The following ADAMTSL3 variants were observed in gnomAD, a reference collection of about 807,000 sequenced individuals.
ADAMTSL3 encodes the protein ADAMTS like 3, also known as ADAMTS-like protein 3.
A neutral mutation model predicts 201.7 loss-of-function variants in ADAMTSL3; 128 were observed. That is an observed-to-expected ratio of 0.63 (90% CI 0.55 to 0.73). The LOEUF (loss-of-function observed/expected upper bound fraction) is 0.73. Among genes scored for constraint, ADAMTSL3 ranks in the 30% least tolerant of loss-of-function variants. ADAMTSL3 has a pLI of 0.00. For missense variants in ADAMTSL3, 1,990 were observed against 2,119.6 expected, an observed-to-expected ratio of 0.94 and a Z score of 1.20; for synonymous variants, 738 against 748.4, an observed-to-expected ratio of 0.99 and a Z score of 0.23.
intron 23 of ADAMTSL3, among the ~76,000 whole-genome samples, chr15:84,009,284 G>A (rs931021406): frequency 6.6e-6 from 1 of 152,134 alleles, no homozygotes. Flanking sequence ...CATCCCTGCA[G>A]CCACATGCTC....
intron 3 of ADAMTSL3, among the ~76,000 whole-genome samples, chr15:83,714,761 C>CCCTT (rs2061979364): frequency 4.8e-5 from 2 of 41,454 alleles, no homozygotes; most frequent in African/African-American, 1.5e-4. Flanking sequence ...CTTCCCTTTT[C>CCCTT]TCTTTCTTTC....
chr15:83,672,047 G>A (rs942147531), intron 2 of ADAMTSL3, among the ~76,000 whole-genome samples: 5 of 152,060 alleles, frequency 3.3e-5, no homozygotes, highest in Non-Finnish European at 5.9e-5. Context: ...AGTGTCTTGC[G>A]ACCTATACTC....
chr15:83,835,201 T>C (rs1263643876), intron 6 of ADAMTSL3, among the ~76,000 whole-genome samples: 1 of 136,104 alleles, frequency 7.3e-6, no homozygotes, highest in South Asian at 2.4e-4. Context: ...ACCACTGCAC[T>C]CCAGCTTGGG....
At chr15:83,661,207 A>G (rs1056095079) in intron 2 of ADAMTSL3, among the ~76,000 whole-genome samples, 6 of 152,186 alleles carry the variant, frequency 3.9e-5, no homozygotes, top group African/African-American at 1.4e-4. Context: ...GTTTGAAGTC[A>G]CATAGCGTGA....
intron 16 of ADAMTSL3, 104 bp from the exon 17 acceptor site, chr15:83,923,800 A>C: frequency 7.3e-7 from 1 of 1,378,166 alleles, no homozygotes; most frequent in Non-Finnish European, 9.9e-7. Context: ...ATGATAGTCA[A>C]AAGGGCAGTA....
At chr15:83,864,970 C>G (rs986446630) in intron 8 of ADAMTSL3, among the ~76,000 whole-genome samples, 5 of 152,116 alleles carry the variant, frequency 3.3e-5, no homozygotes, top group Non-Finnish European at 7.4e-5. Flanking sequence ...ACACCAATAA[C>G]AGACAAACGG....
chr15:84,002,236 A>G (rs1394742624), intron 23 of ADAMTSL3, among the ~76,000 whole-genome samples: 3 of 152,220 alleles, frequency 2.0e-5, no homozygotes, highest in African/African-American at 7.2e-5. Flanking sequence ...TCAAACACCT[A>G]TCAAATTTCA....
At chr15:83,756,607 C>CG (rs1455039139) in intron 3 of ADAMTSL3, among the ~76,000 whole-genome samples, 3 of 151,664 alleles carry the variant, frequency 2.0e-5, no homozygotes, top group Non-Finnish European at 2.9e-5. Context: ...CTGCCCCCCC[C>CG]CCAAATCTCA....
In ADAMTSL3 at chr15:84,026,615, T is replaced by C. The variant is rs544315408; in HGVS notation, c.4656+1179T>C. On this transcript the variant is annotated intron_variant, in intron 27 of 29. Coordinates refer to ENST00000286744, the MANE Select transcript of ADAMTSL3 (RefSeq NM_207517.3). Reference sequence around the variant, plus strand: ...AGGATGGACATATAGATCAATGAAATTGAATTGAGTCCAGAGATAAACCCA... The same window carrying C: ...AGGATGGACATATAGATCAATGAAACTGAATTGAGTCCAGAGATAAACCCA... Among the ~76,000 whole-genome samples, 9 of 152,280 alleles carry C rather than the reference T, an allele frequency of 5.9e-5. No individual in the cohort carries two copies. The East Asian group carries it at 1.7e-3, about 29-fold the overall frequency.
chr15:83,822,872 G>A (rs1297869771), intron 6 of ADAMTSL3, among the ~76,000 whole-genome samples: 2 of 151,898 alleles, frequency 1.3e-5, no homozygotes, highest in East Asian at 2.0e-4. Context: ...GTAGCGAGCC[G>A]AGATCACGCC....
intron 2 of ADAMTSL3, among the ~76,000 whole-genome samples, chr15:83,671,584 C>G (rs550865364): frequency 1.3e-5 from 2 of 152,022 alleles, no homozygotes; most frequent in Non-Finnish European, 2.9e-5. Context: ...TTATGTGTAT[C>G]CCAAGGATAT....
rs542168966 is a variant in ADAMTSL3, at chr15:84,038,756, T to G, written c.*950T>G. 108 of 152,526 alleles carry G rather than the reference T, an allele frequency of 7.1e-4. 1 individual carries two copies. The highest frequency in any genetic ancestry group is 2.5e-3 in the African/African-American group (105 of 41,586). The allele number at this position is 152,526 out of a possible 1,614,324, so 9.4% of individuals were successfully genotyped here. A position where few individuals can be genotyped will look rare whatever the true frequency, so the allele number is the denominator to read the frequency against. ...TAGTAAATAATTGTTTTGGGCTGAT[T>G]TTTCAGTAAATCCAAAGTGACTTAG... On this transcript the variant is annotated 3_prime_UTR_variant, in exon 30 of 30. Coordinates refer to ENST00000286744, the MANE Select transcript of ADAMTSL3 (RefSeq NM_207517.3).
chr15:83,970,712 T>C, intron 20 of ADAMTSL3, 75 bp downstream of exon 20: 2 of 1,554,674 alleles, frequency 1.3e-6, no homozygotes. Flanking sequence ...TTATTTTCCA[T>C]ACGTCAACAG....
chr15:83,763,766 A>C (rs1053366992), intron 3 of ADAMTSL3, among the ~76,000 whole-genome samples: 1 of 152,180 alleles, frequency 6.6e-6, no homozygotes, highest in Non-Finnish European at 1.5e-5. Context: ...TGGCCTCCCA[A>C]AGTGCTGGGA....
chr15:83,827,812 A>C (rs2064059512), intron 6 of ADAMTSL3, among the ~76,000 whole-genome samples: 1 of 152,138 alleles, frequency 6.6e-6, no homozygotes, highest in Non-Finnish European at 1.5e-5. Flanking sequence ...AGGTTTGTCA[A>C]AGATCAGATG....
Position 84,017,945 on chromosome 15 carries a change from A to C in ADAMTSL3, c.4273+1446A>C, listed in dbSNP as rs370860425. 1.1e-4 allele frequency among the ~76,000 whole-genome samples: 17 copies of C among 152,196 alleles called. No homozygotes were observed. In the East Asian group the frequency reaches 2.5e-3, roughly 22 times the overall value. On this transcript the variant is annotated intron_variant, in intron 25 of 29. Transcript: ENST00000286744. ...ATGGTAGCACTGAGGAAGGGGCCCT[A>C]CCTCTCTCTAGAGAAGTCAACTGAG...
chr15:83,857,818 T>G (rs189761225), intron 7 of ADAMTSL3, among the ~76,000 whole-genome samples: 8 of 152,222 alleles, frequency 5.3e-5, no homozygotes, highest in Non-Finnish European at 1.2e-4. Context: ...AAAAAAATTG[T>G]TTTGCGTAAG....
chr15:83,777,757 C>A (rs1208101923), intron 4 of ADAMTSL3, among the ~76,000 whole-genome samples: 2 of 152,126 alleles, frequency 1.3e-5, no homozygotes, highest in African/African-American at 4.8e-5. Flanking sequence ...AGCAAGTGTT[C>A]TGAACCAGGT....
At chr15:83,898,310 G>A (rs887382218) in intron 14 of ADAMTSL3, among the ~76,000 whole-genome samples, 1 of 151,866 alleles carries the variant, frequency 6.6e-6, no homozygotes. Context: ...AAAAGAAGAA[G>A]AATGGCGGGG....
Sources: allele counts gnomAD v4.1 joint callset (sites outside exome capture counted in the v4.1 genomes callset), GRCh38; gene constraint gnomAD v4.1.1; transcripts MANE v1.5; gene names NCBI Gene and HGNC (gene_info 2026-07-23, HGNC 2026-07-21).